Variants in TMTC2 observed in about 807,000 individuals in gnomAD.
TMTC2 encodes transmembrane O-mannosyltransferase targeting cadherins 2.
In TMTC2, 43 loss-of-function variants were observed where a neutral mutation model predicts 82.4. The observed-to-expected ratio is 0.52, with a 90% confidence interval of 0.41 to 0.67. The LOEUF is 0.67. TMTC2 is among the 30% of genes least tolerant of loss of function. The pLI, the probability that TMTC2 is intolerant of heterozygous loss-of-function variation, is 0.00. For synonymous variants in TMTC2, 408 were observed against 381.9 expected, an observed-to-expected ratio of 1.07 and a Z score of -0.80; for missense variants, 919 against 1,012.4, an observed-to-expected ratio of 0.91 and a Z score of 1.25.
intron 11 of TMTC2, among the ~76,000 whole-genome samples, chr12:83,102,235 G>A (rs532544215): frequency 1.9e-3 from 288 of 152,276 alleles, no homozygotes; most frequent in African/African-American, 6.7e-3. Flanking sequence ...ATCAGTACTG[G>A]CAGCAAGGAA....
In TMTC2 at chr12:82,809,778, T is replaced by A. The variant is rs1879403902; in HGVS notation, c.84-47232T>A. On this transcript the variant is annotated intron_variant, in intron 1 of 11. Coordinates refer to ENST00000321196, the MANE Select transcript of TMTC2 (RefSeq NM_152588.3). Reference sequence around the variant, plus strand: ...GTGTGAATGTGAGTTGGGATTCATATCAGGAATTACTAACATACAAGAAAT... The same window carrying A: ...GTGTGAATGTGAGTTGGGATTCATAACAGGAATTACTAACATACAAGAAAT... Among the ~76,000 whole-genome samples the A allele has an allele frequency of 1.3e-5, 2 of 152,102 alleles. 1 individual carries two copies. The highest frequency in any genetic ancestry group is 4.1e-4 in the South Asian group (2 of 4,828).
intron 3 of TMTC2, among the ~76,000 whole-genome samples, chr12:82,908,077 C>G (rs1874422781): frequency 6.6e-6 from 1 of 151,942 alleles, no homozygotes; most frequent in Non-Finnish European, 1.5e-5. Flanking sequence ...GTACCGAGGG[C>G]AACAGAGCGA....
At chr12:82,714,765 TA>T (rs1156647027) in intron 1 of TMTC2, among the ~76,000 whole-genome samples, 2 of 152,046 alleles carry the variant, frequency 1.3e-5, no homozygotes, top group East Asian at 1.9e-4. Context: ...AATTAGATAT[TA>T]AAAAAAGTCA....
intron 10 of TMTC2, among the ~76,000 whole-genome samples, chr12:83,058,495 AG>A (rs1882626199): frequency 6.6e-6 from 1 of 151,826 alleles, no homozygotes. Flanking sequence ...AGGTCCCAAC[AG>A]CTATGATAGG....
intron 11 of TMTC2, among the ~76,000 whole-genome samples, chr12:83,066,587 A>T (rs1312655310): frequency 6.6e-6 from 1 of 152,030 alleles, no homozygotes; most frequent in East Asian, 1.9e-4. Flanking sequence ...GAGGAAATAG[A>T]GTTGGGAGAT....
At chr12:82,727,391 T>C (rs1419123303) in intron 1 of TMTC2, among the ~76,000 whole-genome samples, 1 of 152,270 alleles carries the variant, frequency 6.6e-6, no homozygotes, top group East Asian at 1.9e-4. Context: ...AGAGCTACCC[T>C]GACCCCTGAC....
chr12:82,790,170 T>A (rs1388786477), intron 1 of TMTC2, among the ~76,000 whole-genome samples: 1 of 136,964 alleles, frequency 7.3e-6, no homozygotes. Context: ...TGAGACCTTG[T>A]CTCTTAAAAA....
intron 1 of TMTC2, among the ~76,000 whole-genome samples, chr12:82,817,882 G>A (rs17010011): frequency 1.6e-3 from 240 of 152,196 alleles, no homozygotes; most frequent in African/African-American, 5.5e-3. Context: ...ATTCTTGGCT[G>A]TGTATGTTGA....
At chr12:82,950,308 A>C (rs954279474) in intron 4 of TMTC2, among the ~76,000 whole-genome samples, 8 of 152,220 alleles carry the variant, frequency 5.3e-5, no homozygotes, top group African/African-American at 1.9e-4. Flanking sequence ...ATTAATCTTT[A>C]TTACTTCCTG....
At chr12:82,950,859 C>T (rs1168234747) in intron 4 of TMTC2, among the ~76,000 whole-genome samples, 2 of 152,054 alleles carry the variant, frequency 1.3e-5, no homozygotes, top group African/African-American at 2.4e-5. Context: ...TAAAGAATAA[C>T]GTTTTTGGCA....
chr12:83,046,879 A>G (rs1226745296), intron 9 of TMTC2, among the ~76,000 whole-genome samples: 4 of 152,206 alleles, frequency 2.6e-5, no homozygotes, highest in African/African-American at 9.7e-5. Flanking sequence ...TTGCTTCAGC[A>G]TAATTAATAC....
intron 1 of TMTC2, among the ~76,000 whole-genome samples, chr12:82,736,894 T>C (rs1875154490): frequency 2.0e-5 from 3 of 152,188 alleles, no homozygotes; most frequent in Non-Finnish European, 4.4e-5. Context: ...TAAGACATAG[T>C]AGGTAAACTT....
intron 1 of TMTC2, among the ~76,000 whole-genome samples, chr12:82,838,816 T>C (rs1156740744): frequency 6.7e-6 from 1 of 149,906 alleles, no homozygotes; most frequent in South Asian, 2.1e-4. Flanking sequence ...AGTAGGACGA[T>C]GGCTTTATGG....
intron 1 of TMTC2, among the ~76,000 whole-genome samples, chr12:82,753,460 T>C (rs1029266837): frequency 1.3e-5 from 2 of 152,144 alleles, no homozygotes; most frequent in South Asian, 2.1e-4. Flanking sequence ...GTAAATATAA[T>C]GTTATAACAA....
intron 2 of TMTC2, among the ~76,000 whole-genome samples, chr12:82,888,221 T>C (rs1873203519): frequency 6.6e-6 from 1 of 152,220 alleles, no homozygotes; most frequent in African/African-American, 2.4e-5. Context: ...CTGTAAATTT[T>C]TTGTTTGTAC....
At chr12:83,035,985 G>T (rs1256539446) in intron 9 of TMTC2, among the ~76,000 whole-genome samples, 1 of 152,170 alleles carries the variant, frequency 6.6e-6, no homozygotes, top group Admixed American at 6.5e-5. Context: ...TGAAAAGTTA[G>T]AAGGGAGGAG....
rs540209559 is a variant in TMTC2, at chr12:83,005,538, C to G, written c.2070+19492C>G. On this transcript the variant is annotated intron_variant, in intron 8 of 11. Coordinates refer to ENST00000321196, the MANE Select transcript of TMTC2 (RefSeq NM_152588.3). The stretch of plus-strand genomic sequence containing the variant: ...CCTTGAACCCCCGCTTCACTCTTCC[C>G]CATGCTCTGAGAGTGACGGCTCTTA... 2.8e-4 allele frequency among the ~76,000 whole-genome samples: 43 copies of G among 152,178 alleles called. No homozygotes were observed. The South Asian group carries it at 5.8e-3, about 21-fold the overall frequency.
intron 3 of TMTC2, among the ~76,000 whole-genome samples, chr12:82,925,751 T>C (rs1377317268): frequency 6.6e-6 from 1 of 152,206 alleles, no homozygotes; most frequent in East Asian, 1.9e-4. Context: ...GTTTCACTGA[T>C]CAGCCCTTCC....
At chr12:82,860,920 G>C (rs1439892994) in intron 2 of TMTC2, among the ~76,000 whole-genome samples, 2 of 152,206 alleles carry the variant, frequency 1.3e-5, no homozygotes, top group African/African-American at 4.8e-5. Flanking sequence ...TCCATATTCT[G>C]TCTGTAAAAT....
Sources: allele counts gnomAD v4.1 joint callset (sites outside exome capture counted in the v4.1 genomes callset), GRCh38; gene constraint gnomAD v4.1.1; transcripts MANE v1.5; gene names NCBI Gene and HGNC (gene_info 2026-07-23, HGNC 2026-07-21).